SDK1: variants seen among roughly 807,000 people sequenced by gnomAD.
SDK1 encodes the protein protein sidekick-1.
A neutral mutation model predicts 245.5 loss-of-function variants in SDK1; 157 were observed. That is an observed-to-expected ratio of 0.64 (90% CI 0.56 to 0.73). The LOEUF is 0.73. SDK1 is among the 30% of genes least tolerant of loss of function. The probability of loss-of-function intolerance (pLI) is 0.00; values close to 1 mark genes in which losing one functional copy is unlikely to be tolerated. For synonymous variants in SDK1, 1,647 were observed against 1,278.5 expected, an observed-to-expected ratio of 1.29 and a Z score of -6.15; for missense variants, 3,583 against 3,002.3, an observed-to-expected ratio of 1.19 and a Z score of -4.52.
intron 1 of SDK1, among the ~76,000 whole-genome samples, chr7:3,327,737 C>A (rs1278371979): frequency 6.6e-6 from 1 of 151,954 alleles, no homozygotes; most frequent in Non-Finnish European, 1.5e-5. Context: ...CTTTATTTAT[C>A]CTACTTGATG....
In SDK1 at chr7:3,798,408, A is replaced by G. The variant is rs192702770; in HGVS notation, c.714-23042A>G. On this transcript the variant is annotated intron_variant, in intron 4 of 44. Transcript: ENST00000404826. ...AATTTTTTGTGTTTTTAGTAGAGAC[A>G]GGGTTTCACCGTGTTAGCCATGATG... 3.4e-3 allele frequency among the ~76,000 whole-genome samples: 519 copies of G among 151,932 alleles called. 3 individuals are homozygous for G. The highest frequency in any genetic ancestry group is 0.011 in the African/African-American group (442 of 41,436).
At chr7:3,958,231 C>T (rs1257500987) in intron 7 of SDK1, 1 of 280,312 alleles carries the variant, frequency 3.6e-6, no homozygotes, top group Admixed American at 5.1e-5. Context: ...TAATACTTGA[C>T]AAACTTGGCC....
intron 19 of SDK1, among the ~76,000 whole-genome samples, chr7:4,053,086 C>CAAAAA (rs923402926): frequency 1.7e-5 from 1 of 60,138 alleles, no homozygotes; most frequent in Non-Finnish European, 3.7e-5. Flanking sequence ...GACTCTGTCT[C>CAAAAA]AAAAAAAAAA....
At chr7:3,408,453 AT>A (rs1389343279) in intron 1 of SDK1, among the ~76,000 whole-genome samples, 1 of 152,202 alleles carries the variant, frequency 6.6e-6, no homozygotes, top group Admixed American at 6.5e-5. Context: ...GGCTTTAATT[AT>A]TTTTAAATTT....
intron 4 of SDK1, among the ~76,000 whole-genome samples, chr7:3,816,836 A>G (rs1310891040): frequency 1.3e-5 from 2 of 152,140 alleles, no homozygotes; most frequent in Non-Finnish European, 2.9e-5. Flanking sequence ...TGCTTAATTA[A>G]AATGGAGAAT....
chr7:4,207,386 T>G (rs542156017), intron 36 of SDK1, among the ~76,000 whole-genome samples: 411 of 152,314 alleles, frequency 2.7e-3, no homozygotes, highest in African/African-American at 9.7e-3. Flanking sequence ...GCCAGCTGTC[T>G]AGGGAAGCAA....
intron 2 of SDK1, among the ~76,000 whole-genome samples, chr7:3,626,211 G>T (rs1221750668): frequency 6.6e-6 from 1 of 151,932 alleles, no homozygotes; most frequent in Middle Eastern, 3.2e-3. Flanking sequence ...AAGTGCTGAG[G>T]TTACAGGTGT....
chr7:3,828,023 A>T (rs184585769), intron 5 of SDK1, among the ~76,000 whole-genome samples: 480 of 152,334 alleles, frequency 3.2e-3, no homozygotes, highest in Middle Eastern at 6.8e-3. Context: ...CACGCCTGTA[A>T]TCCCAGCACT....
chr7:3,728,255 C>T (rs980273266), intron 4 of SDK1, among the ~76,000 whole-genome samples: 1 of 152,220 alleles, frequency 6.6e-6, no homozygotes. Flanking sequence ...TGTTTTTGTA[C>T]TACTTCTACC....
At chr7:4,246,851 G>A (rs1246442912) in intron 44 of SDK1, among the ~76,000 whole-genome samples, 1 of 152,148 alleles carries the variant, frequency 6.6e-6, no homozygotes, top group African/African-American at 2.4e-5. Flanking sequence ...GTTGAGACAT[G>A]GAGTGTTTTT....
In SDK1 at chr7:3,301,610, G is replaced by A. The variant is rs980618372; in HGVS notation, c.24G>A (p.Ser8=). 12 of 976,200 alleles carry A rather than the reference G, an allele frequency of 1.2e-5. No homozygotes were observed. Among genetic ancestry groups the A allele is most frequent in the African/African-American group, 1.8e-5 (1 of 55,874 alleles). The allele number at this position is 976,200 out of a possible 1,614,324, so 60.5% of individuals were successfully genotyped here. ...GCATGGCCCGGGGCGCCCGGCCCTC[G>A]GCGGCCGGTGGCGGCGGCGGCGGCG... is the stretch of plus-strand genomic sequence containing the variant. The part of the protein sequence containing the change: MARGARP[S]AAGGGGGGAE... Residue 8 remains serine (S), a synonymous_variant, in exon 1 of 45, where the codon TCG becomes TCA. Coordinates refer to ENST00000404826, the MANE Select transcript of SDK1 (RefSeq NM_152744.4).
At chr7:3,601,887 A>C (rs1260609494) in intron 1 of SDK1, among the ~76,000 whole-genome samples, 6 of 135,636 alleles carry the variant, frequency 4.4e-5, no homozygotes, top group South Asian at 2.3e-4. Context: ...TCCATGTGTT[A>C]TCATTGTTCA....
intron 4 of SDK1, among the ~76,000 whole-genome samples, chr7:3,818,220 T>C (rs947120527): frequency 1.3e-5 from 2 of 152,170 alleles, no homozygotes; most frequent in African/African-American, 4.8e-5. Context: ...TCAATAAAGT[T>C]AAAGGAAAAT....
At chr7:4,230,098 T>A (rs1037340590) in intron 40 of SDK1, among the ~76,000 whole-genome samples, 2 of 113,508 alleles carry the variant, frequency 1.8e-5, no homozygotes, top group African/African-American at 6.9e-5. Context: ...GGCAGGCAGA[T>A]GGATGGGAGG....
intron 5 of SDK1, among the ~76,000 whole-genome samples, chr7:3,904,306 G>A (rs1781890989): frequency 6.6e-6 from 1 of 152,196 alleles, no homozygotes; most frequent in Admixed American, 6.5e-5. Flanking sequence ...TGGAAAGTGA[G>A]TGCTGAAGAG....
intron 1 of SDK1, among the ~76,000 whole-genome samples, chr7:3,500,972 T>A (rs1397139787): frequency 2.6e-5 from 4 of 152,198 alleles, no homozygotes; most frequent in Admixed American, 6.5e-5. Flanking sequence ...TAATATCTGA[T>A]AATTTTAATG....
chr7:3,462,180 A>G (rs921824503), intron 1 of SDK1, among the ~76,000 whole-genome samples: 1 of 152,120 alleles, frequency 6.6e-6, no homozygotes, highest in African/African-American at 2.4e-5. Flanking sequence ...AACCAGGCCT[A>G]AAGGATGCTC....
intron 4 of SDK1, among the ~76,000 whole-genome samples, chr7:3,733,426 A>T (rs1779234367): frequency 6.6e-6 from 1 of 152,226 alleles, no homozygotes; most frequent in Non-Finnish European, 1.5e-5. Context: ...ACTACAGATA[A>T]TAAGAATGCT....
chr7:3,966,446 G>A (rs954402968), intron 9 of SDK1, among the ~76,000 whole-genome samples: 1 of 152,048 alleles, frequency 6.6e-6, no homozygotes, highest in Non-Finnish European at 1.5e-5. Flanking sequence ...GCGAGCCCTC[G>A]CTGAAGCCAT....
Sources: allele counts gnomAD v4.1 joint callset (sites outside exome capture counted in the v4.1 genomes callset), GRCh38; gene constraint gnomAD v4.1.1; transcripts MANE v1.5; gene names NCBI Gene and HGNC (gene_info 2026-07-23, HGNC 2026-07-21).